The following WASHC5 variants were observed in gnomAD, a reference collection of about 807,000 sequenced individuals.
WASHC5 encodes the protein WASH complex subunit 5, also known as WASH complex subunit strumpellin.
In WASHC5, 101 loss-of-function variants were observed where a neutral mutation model predicts 150.4. The observed-to-expected ratio is 0.67, with a 90% CI of 0.57 to 0.79. The LOEUF is 0.79. Ranked by LOEUF, WASHC5 falls within the 30% of genes least tolerant of loss-of-function variation. The pLI, the probability that WASHC5 is intolerant of heterozygous loss-of-function variation, is 0.00. For synonymous variants in WASHC5, 467 were observed against 491.2 expected, an observed-to-expected ratio of 0.95 and a Z score of 0.65; for missense variants, 1,195 against 1,396.3, an observed-to-expected ratio of 0.86 and a Z score of 2.30.
intron 27 of WASHC5, among the ~76,000 whole-genome samples, chr8:125,030,610 C>T (rs971158591): frequency 1.4e-5 from 2 of 141,820 alleles, no homozygotes; most frequent in Non-Finnish European, 1.5e-5. Context: ...TGCACTCCAA[C>T]CTGGGCGACA....
chr8:125,047,383 T>C lies in WASHC5; in HGVS notation c.2380-52A>G, dbSNP rs756674890. 4 of 1,547,216 alleles carry C rather than the reference T, an allele frequency of 2.6e-6. No individual in the cohort carries two copies. In the East Asian group the frequency reaches 6.8e-5, roughly 26 times the overall value. On this transcript the variant is annotated intron_variant, in intron 19 of 28. Transcript: ENST00000318410. ...GTAAACCTTTGATAAGATAACCTAG[T>C]TATCCCTTTTCCATATAATTTTACA...
At chr8:125,057,281 A>C (rs1342634903) in intron 15 of WASHC5, among the ~76,000 whole-genome samples, 2 of 152,214 alleles carry the variant, frequency 1.3e-5, no homozygotes, top group Non-Finnish European at 2.9e-5. Context: ...GATTTTGAAG[A>C]AACTATTATA....
chr8:125,088,127 C>G (rs968202182), intron 1 of WASHC5, among the ~76,000 whole-genome samples: 1 of 152,016 alleles, frequency 6.6e-6, no homozygotes, highest in African/African-American at 2.4e-5. Context: ...TGAGTATAAG[C>G]TGACTTACTG....
At chr8:125,089,850 A>G (rs937619419) in intron 1 of WASHC5, among the ~76,000 whole-genome samples, 41 of 152,230 alleles carry the variant, frequency 2.7e-4, no homozygotes, top group African/African-American at 9.6e-4. Context: ...ATAACCAAAT[A>G]TGTTCGGCAA....
chr8:125,061,211 A>G lies in WASHC5; in HGVS notation c.1409-17T>C, dbSNP rs1816584087. ...GAAGGTTTTCTAGTAATACAGAAAT[A>G]AGAAAATACTGAAATCCTCGAATTC... On this transcript the variant is annotated splice_polypyrimidine_tract_variant and intron_variant, in intron 11 of 28. Transcript: ENST00000318410. 7.7e-7 allele frequency: 1 copy of G among 1,299,296 alleles called. No individual in the cohort carries two copies. The highest frequency in any genetic ancestry group is 1.1e-6 in the Non-Finnish European group (1 of 894,358). 80.5% of individuals were successfully genotyped at this position (1,299,296 alleles called of 1,614,324 possible).
At chr8:125,025,654 C>CTCCA (rs555199510) in intron 28 of WASHC5, among the ~76,000 whole-genome samples, 318 of 152,310 alleles carry the variant, frequency 2.1e-3, no homozygotes, top group Non-Finnish European at 3.9e-3. Context: ...CACTACTGCA[C>CTCCA]TCCAGCCTGG....
intron 27 of WASHC5, among the ~76,000 whole-genome samples, chr8:125,028,930 G>T (rs1170774647): frequency 6.6e-6 from 1 of 152,058 alleles, no homozygotes; most frequent in African/African-American, 2.4e-5. Flanking sequence ...CGGTTTCCAT[G>T]GGCGTTTACA....
At chr8:125,070,384 A>G (rs16900348) in intron 9 of WASHC5, among the ~76,000 whole-genome samples, 3,996 of 152,330 alleles carry the variant, frequency 0.026, 182 homozygotes, top group African/African-American at 0.092. Flanking sequence ...GCACAAACGC[A>G]AAAGACAAAT....
chr8:125,057,824 C>T (rs969200824), intron 14 of WASHC5, among the ~76,000 whole-genome samples, 158 bp from the exon 15 acceptor site: 22 of 144,892 alleles, frequency 1.5e-4, no homozygotes, highest in African/African-American at 5.3e-4. Flanking sequence ...CCCAAGTTAA[C>T]TGTGATGGCA....
At chr8:125,072,359 G>T (rs1377947422) in intron 9 of WASHC5, among the ~76,000 whole-genome samples, 3 of 108,648 alleles carry the variant, frequency 2.8e-5, no homozygotes, top group South Asian at 4.2e-4. Context: ...AAGTGGGGGG[G>T]GGGGGCGGGC....
intron 1 of WASHC5, among the ~76,000 whole-genome samples, chr8:125,084,596 A>C (rs1817363388): frequency 6.6e-6 from 1 of 152,262 alleles, no homozygotes; most frequent in East Asian, 1.9e-4. Context: ...TTAGGTATCT[A>C]GCACTGTTAG....
intron 17 of WASHC5, 60 bp downstream of exon 17, chr8:125,055,531 C>T (rs935156432): frequency 9.8e-7 from 1 of 1,020,602 alleles, no homozygotes; most frequent in Non-Finnish European, 1.6e-6. Context: ...ATAATTACCA[C>T]AAAAACCCAA....
At chr8:125,053,264 A>T (rs1038332941) in intron 17 of WASHC5, among the ~76,000 whole-genome samples, 2 of 152,146 alleles carry the variant, frequency 1.3e-5, no homozygotes. Flanking sequence ...GGGCCACAGG[A>T]TTACTTTTAA....
intron 17 of WASHC5, among the ~76,000 whole-genome samples, chr8:125,054,117 G>C (rs1260639867): frequency 6.6e-6 from 1 of 152,190 alleles, no homozygotes; most frequent in Non-Finnish European, 1.5e-5. Context: ...CACAGGTCTG[G>C]AGTGGGGATA....
chr8:125,053,908 A>G (rs28612575), intron 17 of WASHC5, among the ~76,000 whole-genome samples: 16,621 of 152,272 alleles, frequency 0.11, 2,122 homozygotes, highest in African/African-American at 0.31. Flanking sequence ...TGGTGAAGAT[A>G]TAAGCCGTTA....
intron 17 of WASHC5, among the ~76,000 whole-genome samples, chr8:125,054,559 C>T (rs966713641): frequency 2.6e-5 from 4 of 152,126 alleles, no homozygotes; most frequent in African/African-American, 7.2e-5. Context: ...ATGGGCCGGG[C>T]GTGGTGGCTC....
chr8:125,056,730 G>A lies in WASHC5; in HGVS notation c.1963C>T (p.Arg655Cys), dbSNP rs148951367. The A allele has an allele frequency of 6.9e-5, 112 of 1,613,970 alleles. No homozygotes were observed. The highest frequency in any genetic ancestry group is 8.8e-5 in the Non-Finnish European group (104 of 1,180,018). Residue 655 changes from arginine to cysteine, a missense_variant, in exon 16 of 29, where the codon CGC becomes TGC. Around this residue, in one of 3 missense-constraint regions of WASHC5, gnomAD observed 997 missense variants for 1,168.1 expected, o/e 0.85. Coordinates refer to ENST00000318410, the MANE Select transcript of WASHC5 (RefSeq NM_014846.4). ...QTHDIIEVPT[R>C]LDKDKLRDYA... ...TCCCTCAGCTTGTCTTTGTCCAGGC[G>A]GGTAGGCACTTCAATAATGTCGTGG...
chr8:125,078,691 C>G, intron 6 of WASHC5, 47 bp downstream of exon 6: 1 of 1,414,856 alleles, frequency 7.1e-7, no homozygotes, highest in Non-Finnish European at 1.0e-6. Flanking sequence ...GAAGTGAAAT[C>G]AGTCTGTTAA....
rs1469296460 is a variant in WASHC5 at position 125,056,746 on chromosome 8, A to C, written c.1947T>G (p.Ile649Met). The change falls in exon 16 of 29, where the codon ATT (isoleucine) becomes ATG (methionine). Residue 649 changes from isoleucine (I) to methionine (M), a missense_variant. Ile to Met is a conservative substitution (Grantham distance 10). Coordinates refer to ENST00000318410, the MANE Select transcript of WASHC5 (RefSeq NM_014846.4). Reference sequence around the variant, plus strand: ...TGTCCAGGCGGGTAGGCACTTCAATAATGTCGTGGGTCTGAAGCTTTATGA... The same window carrying C: ...TGTCCAGGCGGGTAGGCACTTCAATCATGTCGTGGGTCTGAAGCTTTATGA... The part of the protein sequence containing the change: ...LKIIKLQTHD[I>M]IEVPTRLDKD... The C allele has an allele frequency of 1.2e-6, 2 of 1,614,108 alleles. No homozygotes were observed. The highest frequency in any genetic ancestry group is 2.2e-5 in the South Asian group (2 of 91,084).
Sources: gnomAD v4.1 joint callset for allele counts (sites outside exome capture counted in the v4.1 genomes callset) on GRCh38, gnomAD v4.1.1 for gene constraint, gnomAD v4.1.1 regional missense constraint, MANE v1.5 for transcripts, NCBI Gene and HGNC (gene_info 2026-07-23, HGNC 2026-07-21) for gene names.